The following LSAMP variants were observed in gnomAD, a reference collection of about 807,000 sequenced individuals.
LSAMP encodes the protein limbic system associated membrane protein, also known as limbic system-associated membrane protein.
A neutral mutation model predicts 38.6 loss-of-function variants in LSAMP; 7 were observed. That is an observed-to-expected ratio of 0.18 (90% CI 0.10 to 0.34). The LOEUF (loss-of-function observed/expected upper bound fraction) is 0.34. Among genes scored for constraint, LSAMP ranks in the 10% least tolerant of loss-of-function variants. LSAMP has a pLI of 1.00. For missense variants in LSAMP, 313 were observed against 420.0 expected (o/e 0.75, Z 2.23); for synonymous variants, 154 against 166.8 (o/e 0.92, Z 0.59).
intron 1 of LSAMP, among the ~76,000 whole-genome samples, chr3:116,379,304 G>T (rs2048529815): frequency 6.6e-6 from 1 of 151,986 alleles, no homozygotes; most frequent in African/African-American, 2.4e-5. Context: ...AAAAGTGATG[G>T]GGTAGCCAGA....
chr3:116,393,229 G>T (rs1341936796), intron 1 of LSAMP, among the ~76,000 whole-genome samples: 2 of 152,122 alleles, frequency 1.3e-5, no homozygotes, highest in Non-Finnish European at 2.9e-5. Flanking sequence ...CCTTCAGAGA[G>T]CCCAGACCTA....
intron 1 of LSAMP, among the ~76,000 whole-genome samples, chr3:116,161,196 T>C (rs1709879014): frequency 6.6e-6 from 1 of 152,186 alleles, no homozygotes; most frequent in Admixed American, 6.5e-5. Context: ...CAAAGGTTTT[T>C]GCATTGTACC....
At chr3:116,287,875 GCTAAGAACA>G (rs144070411) in intron 1 of LSAMP, among the ~76,000 whole-genome samples, 9,009 of 152,108 alleles carry the variant, frequency 0.059, 469 homozygotes, top group African/African-American at 0.15. Context: ...AGCCTCCCTG[GCTAAGAACA>G]CTGCACAAGC....
intron 1 of LSAMP, among the ~76,000 whole-genome samples, chr3:116,273,990 T>C (rs887973124): frequency 2.5e-4 from 38 of 151,890 alleles, no homozygotes; most frequent in Non-Finnish European, 7.4e-5. Context: ...CACTGCTTCC[T>C]ATCTGTTATT....
intron 6 of LSAMP, among the ~76,000 whole-genome samples, chr3:115,840,182 C>A (rs186228860): frequency 6.7e-4 from 102 of 152,258 alleles, no homozygotes; most frequent in Middle Eastern, 3.4e-3. Context: ...TACTTTAATG[C>A]AAATATGTAA....
At chr3:116,015,474 A>G (rs1204606963) in intron 3 of LSAMP, among the ~76,000 whole-genome samples, 1 of 152,150 alleles carries the variant, frequency 6.6e-6, no homozygotes, top group African/African-American at 2.4e-5. Context: ...TCACAGGATT[A>G]TGAAAGTCTA....
chr3:115,911,281 A>G (rs1937128185), intron 3 of LSAMP, among the ~76,000 whole-genome samples: 1 of 152,190 alleles, frequency 6.6e-6, no homozygotes. Context: ...AGTTTCTTCA[A>G]TCATTGAGAA....
Position 115,930,531 on chromosome 3 carries a change from A to G in LSAMP, c.515-77914T>C, listed in dbSNP as rs1477199688. 2.6e-5 allele frequency among the ~76,000 whole-genome samples: 4 copies of G among 152,214 alleles called. No homozygotes were observed. The East Asian group carries it at 7.7e-4, about 29-fold the overall frequency. ...GGGAAATCAGGCTGGGAAACCCAGT[A>G]CACAGTAAGTAGAAAGAAGAGGTAT... On this transcript the variant is annotated intron_variant, in intron 3 of 6. Transcript: ENST00000490035.
intron 1 of LSAMP, among the ~76,000 whole-genome samples, chr3:116,300,896 A>T (rs938063571): frequency 6.6e-6 from 1 of 152,148 alleles, no homozygotes; most frequent in African/African-American, 2.4e-5. Flanking sequence ...CGAAATGCTC[A>T]TTTTGGGGAA....
chr3:116,366,917 C>G (rs1371160803), intron 1 of LSAMP, among the ~76,000 whole-genome samples: 2 of 152,164 alleles, frequency 1.3e-5, no homozygotes, highest in Non-Finnish European at 2.9e-5. Flanking sequence ...TTGCCTAGAC[C>G]TTCACAAAAT....
intron 1 of LSAMP, among the ~76,000 whole-genome samples, chr3:116,324,397 G>A (rs1444874948): frequency 2.0e-5 from 3 of 152,096 alleles, no homozygotes; most frequent in South Asian, 2.1e-4. Flanking sequence ...ATAGTCATTC[G>A]TTTACTCACT....
chr3:116,227,648 A>C (rs1357679305), intron 1 of LSAMP, among the ~76,000 whole-genome samples: 1 of 143,538 alleles, frequency 7.0e-6, no homozygotes, highest in Admixed American at 7.3e-5. Context: ...TTTTCCTATT[A>C]TCATCTTGCT....
intron 3 of LSAMP, among the ~76,000 whole-genome samples, chr3:115,964,112 T>C (rs1018910190): frequency 1.3e-5 from 2 of 152,242 alleles, no homozygotes; most frequent in Non-Finnish European, 1.5e-5. Context: ...TAGTGTTCAA[T>C]TGACAGTTTT....
intron 3 of LSAMP, among the ~76,000 whole-genome samples, chr3:115,900,847 C>T (rs1936856679): frequency 6.6e-6 from 1 of 152,218 alleles, no homozygotes; most frequent in Admixed American, 6.5e-5. Flanking sequence ...AGGATGAAAA[C>T]AGCTGATTTT....
intron 3 of LSAMP, among the ~76,000 whole-genome samples, chr3:115,853,135 G>GT (rs1935385729): frequency 6.6e-6 from 1 of 152,208 alleles, no homozygotes; most frequent in Non-Finnish European, 1.5e-5. Context: ...AAAGCACTCT[G>GT]TTTTTTGTTG....
chr3:116,172,894 T>A (rs938399936), intron 1 of LSAMP, among the ~76,000 whole-genome samples: 1 of 151,840 alleles, frequency 6.6e-6, no homozygotes, highest in African/African-American at 2.4e-5. Flanking sequence ...ACAGGAAACA[T>A]AACAGTTTCC....
At chr3:116,073,190 C>A (rs1479480138) in intron 2 of LSAMP, among the ~76,000 whole-genome samples, 1 of 152,108 alleles carries the variant, frequency 6.6e-6, no homozygotes, top group African/African-American at 2.4e-5. Context: ...TTGTTTTTGT[C>A]AGGTTTGTCA....
chr3:115,944,839 CAG>C (rs756613381), intron 3 of LSAMP, among the ~76,000 whole-genome samples: 2 of 152,276 alleles, frequency 1.3e-5, no homozygotes, highest in Non-Finnish European at 2.9e-5. Context: ...CGCCTCTCTC[CAG>C]TCTACTGGGA....
At chr3:115,842,972 A>G (rs1400260) in intron 4 of LSAMP, among the ~76,000 whole-genome samples, 67,054 of 151,962 alleles carry the variant, frequency 0.44, 16,013 homozygotes, top group African/African-American at 0.64. Context: ...TAATTTGACC[A>G]TTTTTCTTTT....
Sources: gnomAD v4.1 joint callset for allele counts (sites outside exome capture counted in the v4.1 genomes callset) on GRCh38, gnomAD v4.1.1 for gene constraint, MANE v1.5 for transcripts, NCBI Gene and HGNC (gene_info 2026-07-23, HGNC 2026-07-21) for gene names.